Variants in RAD9B observed in about 807,000 individuals in gnomAD.
RAD9B encodes cell cycle checkpoint control protein RAD9B.
A neutral mutation model predicts 48.3 loss-of-function variants in RAD9B; 41 were observed. The observed-to-expected ratio is 0.85, with a 90% CI of 0.66 to 1.10. RAD9B has a LOEUF of 1.10. RAD9B is among the 50% of genes least tolerant of loss of function. The pLI, the probability that RAD9B is intolerant of heterozygous loss-of-function variation, is 0.00. For missense variants in RAD9B, 444 were observed against 485.1 expected (o/e 0.92, Z 0.80); for synonymous variants, 160 against 157.9 (o/e 1.01, Z -0.10).
chr12:110,512,845 A>T lies in RAD9B; in HGVS notation c.455A>T (p.Asn152Ile). The T allele has an allele frequency of 6.4e-7, 1 of 1,554,212 alleles. No homozygotes were observed. The highest frequency in any genetic ancestry group is 8.8e-7 in the Non-Finnish European group (1 of 1,135,278). ...SQPLQVIFDK[N>I]VCTNTLMIQP... ...CCTTTGCAAGTTATTTTTGACAAGAATGTTTGTACTAATACGCTAATGATT... is the reference window on the plus strand; with the variant it reads ...CCTTTGCAAGTTATTTTTGACAAGATTGTTTGTACTAATACGCTAATGATT... The change falls in exon 5 of 11, where the codon AAT becomes ATT. Residue 152 changes from asparagine to isoleucine, a missense_variant. Physicochemically the swap from Asn to Ile is moderately radical, Grantham distance 149. Transcript: ENST00000409300.
At chr12:110,510,044 T>C (rs1484124901) in intron 4 of RAD9B, among the ~76,000 whole-genome samples, 3 of 152,254 alleles carry the variant, frequency 2.0e-5, no homozygotes, top group African/African-American at 7.2e-5. Context: ...CCCTTTAAAA[T>C]AGGTCATATT....
intron 1 of RAD9B, 82 bp downstream of exon 1, chr12:110,502,465 T>A (rs2063109192): frequency 6.6e-7 from 1 of 1,525,136 alleles, no homozygotes; most frequent in Admixed American, 1.9e-5. Flanking sequence ...GTCTAATTTT[T>A]CCTCTTTGCC....
chr12:110,511,902 A>G (rs2063471618), intron 4 of RAD9B, among the ~76,000 whole-genome samples: 1 of 151,714 alleles, frequency 6.6e-6, no homozygotes, highest in African/African-American at 2.4e-5. Flanking sequence ...GCTGGAGTGC[A>G]GTGGCACGAT....
At chr12:110,521,555 CTTTTT>C (rs577675171) in intron 9 of RAD9B, among the ~76,000 whole-genome samples, 1 of 126,608 alleles carries the variant, frequency 7.9e-6, no homozygotes, top group Non-Finnish European at 1.7e-5. Flanking sequence ...AAACATAATT[CTTTTT>C]TTTTTTTTTT....
At chr12:110,530,288 G>C (rs1180685202) in intron 10 of RAD9B, among the ~76,000 whole-genome samples, 1 of 151,958 alleles carries the variant, frequency 6.6e-6, no homozygotes, top group South Asian at 2.1e-4. Flanking sequence ...CTCGTGATCC[G>C]CCCACCTTGG....
chr12:110,517,240 A>C (rs549787158), intron 6 of RAD9B, among the ~76,000 whole-genome samples: 6 of 152,124 alleles, frequency 3.9e-5, no homozygotes, highest in Non-Finnish European at 7.4e-5. Flanking sequence ...AGGCAAGGGG[A>C]TCACTTGAGC....
chr12:110,523,457 C>T (rs2063845118), intron 10 of RAD9B, among the ~76,000 whole-genome samples: 1 of 152,212 alleles, frequency 6.6e-6, no homozygotes, highest in South Asian at 2.1e-4. Context: ...CCATATTACG[C>T]TGTATATGAC....
intron 6 of RAD9B, 102 bp from the exon 7 acceptor site, chr12:110,518,574 G>T (rs984696324): frequency 7.2e-5 from 49 of 676,864 alleles, no homozygotes; most frequent in Admixed American, 3.4e-4. Flanking sequence ...CGTAGGGCAG[G>T]AGGAAATGGG....
At position 110,506,582 on chromosome 12, in the gene RAD9B, A is replaced by C; in HGVS notation, c.277A>C (p.Ile93Leu). ...HLKCKLGMKS[I>L]LPIFRCLNSL... ...AATATGTATATTTCTGTTACAGTCA[A>C]TTTTGCCCATCTTTAGATGTCTGAA... is the stretch of plus-strand genomic sequence containing the variant. The change falls in exon 4 of 11, where the codon ATT becomes CTT. Residue 93 changes from isoleucine to leucine, a missense_variant. By Grantham distance (5) the Ile-to-Leu change is conservative. Coordinates refer to ENST00000409300, the MANE Select transcript of RAD9B (RefSeq NM_001286535.2). 1.4e-6 allele frequency: 2 copies of C among 1,466,900 alleles called. No individual in the cohort carries two copies. The highest frequency in any genetic ancestry group is 1.9e-6 in the Non-Finnish European group (2 of 1,047,242). 90.9% of individuals were successfully genotyped at this position (1,466,900 alleles called of 1,614,324 possible). A position where few individuals can be genotyped will look rare whatever the true frequency, so the allele number is the denominator to read the frequency against.
At chr12:110,513,273 A>ATT (rs140469319) in intron 5 of RAD9B, among the ~76,000 whole-genome samples, 1 of 146,390 alleles carries the variant, frequency 6.8e-6, no homozygotes, top group Non-Finnish European at 1.5e-5. Flanking sequence ...CTGCCATTAC[A>ATT]TTTTTTTTTT....
chr12:110,520,840 G>A (rs959742832), intron 9 of RAD9B, among the ~76,000 whole-genome samples: 4 of 151,170 alleles, frequency 2.6e-5, no homozygotes, highest in Non-Finnish European at 4.4e-5. Flanking sequence ...TAGTAGAGAC[G>A]GGGTTTCACT....
intron 2 of RAD9B, among the ~76,000 whole-genome samples, chr12:110,505,022 TAAAAG>T (rs775796603): frequency 4.6e-5 from 7 of 151,948 alleles, no homozygotes; most frequent in African/African-American, 9.7e-5. Context: ...AAAAAGAAAT[TAAAAG>T]AAAGTTAAGG....
At chr12:110,520,628 C>CTTTTTTTTTTTTTTTTTTGTTTTTT (rs2063752795) in intron 9 of RAD9B, among the ~76,000 whole-genome samples, 3 of 99,966 alleles carry the variant, frequency 3.0e-5, no homozygotes, top group South Asian at 3.5e-4. Flanking sequence ...TTCTTGCTTT[C>CTTTTTTTTTTTTTTTTTTGTTTTTT]TTTTTTTTTT....
chr12:110,529,565 A>G (rs2064061052), intron 10 of RAD9B, among the ~76,000 whole-genome samples: 1 of 151,844 alleles, frequency 6.6e-6, no homozygotes, highest in South Asian at 2.1e-4. Flanking sequence ...AGCCTGGGCC[A>G]CGTAGCAAGA....
Position 110,530,702 on chromosome 12 carries a change from G to GC in RAD9B, c.*53dup. 6.2e-7 allele frequency: 1 copy of GC among 1,608,838 alleles called. No homozygotes were observed. The highest frequency in any genetic ancestry group is 8.5e-7 in the Non-Finnish European group (1 of 1,177,278). Reference sequence around the variant, plus strand: ...CCCCAGCCCAGTGACTGGCTCATTTGCCCCTCAAGCACGAGTTTGCATGTT... The same window carrying GC: ...CCCCAGCCCAGTGACTGGCTCATTTGCCCCCTCAAGCACGAGTTTGCATGTT... On this transcript the variant is annotated 3_prime_UTR_variant, in exon 11 of 11. Transcript: ENST00000409300.
intron 4 of RAD9B, chr12:110,507,995 T>G (rs1348363565): frequency 6.0e-6 from 1 of 167,064 alleles, no homozygotes; most frequent in Non-Finnish European, 1.5e-5. Context: ...TATTTTTATT[T>G]CAGCATATAT....
chr12:110,530,259 A>C (rs1248705378), intron 10 of RAD9B, among the ~76,000 whole-genome samples: 1 of 151,860 alleles, frequency 6.6e-6, no homozygotes, highest in African/African-American at 2.4e-5. Flanking sequence ...GTTAGTCAGG[A>C]TGGTCTCGAT....
chr12:110,517,750 T>TCACACA (rs2063646583), intron 6 of RAD9B, among the ~76,000 whole-genome samples: 21 of 68,512 alleles, frequency 3.1e-4, no homozygotes, highest in African/African-American at 1.2e-3. Context: ...CACAAAACAT[T>TCACACA]GACACACACA....
At chr12:110,514,898 A>G (rs2063563259) in intron 5 of RAD9B, among the ~76,000 whole-genome samples, 152 bp from the exon 6 acceptor site, 2 of 152,246 alleles carry the variant, frequency 1.3e-5, no homozygotes, top group African/African-American at 4.8e-5. Flanking sequence ...GCAGCTATGT[A>G]TAAGAAAGAA....
Sources: allele counts gnomAD v4.1 joint callset (sites outside exome capture counted in the v4.1 genomes callset), GRCh38; gene constraint gnomAD v4.1.1; transcripts MANE v1.5; gene names NCBI Gene and HGNC (gene_info 2026-07-23, HGNC 2026-07-21).